DSCAML1: variants seen among roughly 807,000 people sequenced by gnomAD.
DSCAML1 encodes cell adhesion molecule DSCAML1.
DSCAML1 carries 38 observed loss-of-function variants against 200.5 expected under a neutral mutation model. That is an observed-to-expected ratio of 0.19 (90% CI 0.15 to 0.25). The LOEUF is 0.25. DSCAML1 is among the 10% of genes least tolerant of loss of function. DSCAML1 has a pLI of 1.00. For synonymous variants in DSCAML1, 1,215 were observed against 1,165.0 expected, an observed-to-expected ratio of 1.04 and a Z score of -0.87; for missense variants, 2,223 against 2,858.8, an observed-to-expected ratio of 0.78 and a Z score of 5.07.
At chr11:117,641,769 A>G (rs1300195134) in intron 3 of DSCAML1, among the ~76,000 whole-genome samples, 3 of 152,102 alleles carry the variant, frequency 2.0e-5, no homozygotes, top group Admixed American at 2.0e-4. Context: ...TCTATGCCCC[A>G]TTCTAGGTCC....
At chr11:117,594,836 C>A (rs924295802) in intron 3 of DSCAML1, among the ~76,000 whole-genome samples, 1 of 152,170 alleles carries the variant, frequency 6.6e-6, no homozygotes, top group African/African-American at 2.4e-5. Context: ...CCCCTCTACC[C>A]CATCCTGCCC....
intron 11 of DSCAML1, among the ~76,000 whole-genome samples, chr11:117,485,435 G>A (rs1295487315): frequency 6.6e-6 from 1 of 152,224 alleles, no homozygotes. Flanking sequence ...GGCTAGTTCA[G>A]GGGAGCCCGT....
At chr11:117,511,208 G>A (rs2049611066) in intron 8 of DSCAML1, among the ~76,000 whole-genome samples, 1 of 152,152 alleles carries the variant, frequency 6.6e-6, no homozygotes, top group Non-Finnish European at 1.5e-5. Flanking sequence ...GGGAGAGAGG[G>A]TGTTTGTGTG....
intron 3 of DSCAML1, among the ~76,000 whole-genome samples, chr11:117,558,119 T>G (rs992174284): frequency 2.0e-5 from 3 of 151,782 alleles, no homozygotes; most frequent in Admixed American, 1.3e-4. Context: ...GGCGATGAGG[T>G]TTAGCCAGTG....
intron 19 of DSCAML1, 118 bp downstream of exon 19, chr11:117,458,636 C>T (rs2048419974): frequency 4.5e-6 from 6 of 1,322,370 alleles, no homozygotes; most frequent in Non-Finnish European, 5.2e-6. Flanking sequence ...TACTCTCCCA[C>T]AGTTTGAAGG....
Position 117,469,119 on chromosome 11 carries a change from A to G in DSCAML1, c.3024+791T>C, listed in dbSNP as rs568798436. 1.3e-5 allele frequency among the ~76,000 whole-genome samples: 2 copies of G among 152,246 alleles called. No homozygotes were observed. The highest frequency in any genetic ancestry group is 3.9e-4 in the East Asian group (2 of 5,176). Reference sequence around the variant, plus strand: ...GAGCTCTGTCTCTGCTAGCCAGGCCACCTCACATCTTGTCTCCATGGCCTC... The same window carrying G: ...GAGCTCTGTCTCTGCTAGCCAGGCCGCCTCACATCTTGTCTCCATGGCCTC... On this transcript the variant is annotated intron_variant, in intron 16 of 32. Coordinates refer to ENST00000651296, the MANE Select transcript of DSCAML1 (RefSeq NM_020693.4). The surrounding 1 kb of genome is among the most constrained non-coding windows in gnomAD (Gnocchi z 4.1).
intron 1 of DSCAML1, among the ~76,000 whole-genome samples, chr11:117,811,993 C>A (rs1694527243): frequency 6.6e-6 from 1 of 152,190 alleles, no homozygotes; most frequent in African/African-American, 2.4e-5. Flanking sequence ...CTCTTTTATG[C>A]ACTCTTTTTT....
At chr11:117,698,383 A>G (rs962987908) in intron 3 of DSCAML1, among the ~76,000 whole-genome samples, 1 of 152,192 alleles carries the variant, frequency 6.6e-6, no homozygotes, top group Non-Finnish European at 1.5e-5. Flanking sequence ...AAAGGCCCAG[A>G]CTTCACTGCC....
chr11:117,439,671 G>A (rs2048003392), intron 22 of DSCAML1, 148 bp downstream of exon 22: 3 of 853,980 alleles, frequency 3.5e-6, no homozygotes, highest in South Asian at 3.2e-5. Flanking sequence ...CTGCTTGAGA[G>A]AGCAGTAGCA....
intron 3 of DSCAML1, among the ~76,000 whole-genome samples, chr11:117,713,500 C>T (rs2053890523): frequency 6.6e-6 from 1 of 152,172 alleles, no homozygotes; most frequent in Non-Finnish European, 1.5e-5. Flanking sequence ...CCCTCTACCC[C>T]TTTCCAAAGC....
intron 3 of DSCAML1, among the ~76,000 whole-genome samples, chr11:117,771,689 G>A (rs915008763): frequency 6.6e-6 from 1 of 152,222 alleles, no homozygotes; most frequent in Admixed American, 6.5e-5. Flanking sequence ...CTTATTAGCT[G>A]TGTGGCCTTG....
At chr11:117,633,369 T>A (rs1372180406) in intron 3 of DSCAML1, among the ~76,000 whole-genome samples, 1 of 151,950 alleles carries the variant, frequency 6.6e-6, no homozygotes, top group African/African-American at 2.4e-5. Context: ...GCTGGAGGGG[T>A]AGGGAGGGGA....
chr11:117,444,292 C>T (rs918203110), intron 20 of DSCAML1, among the ~76,000 whole-genome samples: 1 of 152,180 alleles, frequency 6.6e-6, no homozygotes, highest in Non-Finnish European at 1.5e-5. Context: ...AACTGATCCA[C>T]GCTCTGGCAG....
chr11:117,720,204 G>T (rs78667446), intron 3 of DSCAML1, among the ~76,000 whole-genome samples: 5,927 of 152,284 alleles, frequency 0.039, 218 homozygotes, highest in African/African-American at 0.098. Context: ...CACCCAGGCA[G>T]CCAGGTATGG....
At chr11:117,497,324 C>T (rs1382631537) in intron 11 of DSCAML1, among the ~76,000 whole-genome samples, 1 of 152,156 alleles carries the variant, frequency 6.6e-6, no homozygotes, top group Non-Finnish European at 1.5e-5. Flanking sequence ...TTGTTTTGGC[C>T]TCCCTGGGCT....
Position 117,436,998 on chromosome 11 carries a change from C to T in DSCAML1, c.4720+124G>A, listed in dbSNP as rs147118878. Reference sequence around the variant, plus strand: ...CCCTTCACCTGCAGGCCAGCATTTCCCCCACCTGCATTCCTGCCTGTTTTT... The same window carrying T: ...CCCTTCACCTGCAGGCCAGCATTTCTCCCACCTGCATTCCTGCCTGTTTTT... On this transcript the variant is annotated intron_variant, in intron 26 of 32. Transcript: ENST00000651296. 1,036 of 1,338,430 alleles carry T rather than the reference C, an allele frequency of 7.7e-4. 5 individuals carry two copies. The African/African-American group carries it at 0.011, about 14-fold the overall frequency. 82.9% of individuals were successfully genotyped at this position (1,338,430 alleles called of 1,614,324 possible). A position where few individuals can be genotyped will look rare whatever the true frequency, so the allele number is the denominator to read the frequency against.
intron 1 of DSCAML1, among the ~76,000 whole-genome samples, chr11:117,809,497 G>T (rs1476565169): frequency 6.6e-6 from 1 of 152,242 alleles, no homozygotes; most frequent in East Asian, 1.9e-4. Flanking sequence ...TAGTGCCACA[G>T]GACAGGATGG....
chr11:117,666,946 T>A (rs1264620424), intron 3 of DSCAML1, among the ~76,000 whole-genome samples: 1 of 151,794 alleles, frequency 6.6e-6, no homozygotes, highest in Non-Finnish European at 1.5e-5. Context: ...CATCATGCAG[T>A]TTTGGGGGTA....
At chr11:117,690,865 C>T (rs1204190815) in intron 3 of DSCAML1, among the ~76,000 whole-genome samples, 1 of 152,196 alleles carries the variant, frequency 6.6e-6, no homozygotes, top group African/African-American at 2.4e-5. Context: ...TCTGGGCTCA[C>T]CCTGCTTCCA....
Sources: gnomAD v4.1 joint callset for allele counts (sites outside exome capture counted in the v4.1 genomes callset) on GRCh38, gnomAD v4.1.1 for gene constraint, Gnocchi (gnomAD v3.1) non-coding constraint, MANE v1.5 for transcripts, NCBI Gene and HGNC (gene_info 2026-07-23, HGNC 2026-07-21) for gene names.